ESRRG: variants seen among roughly 807,000 people sequenced by gnomAD.
ESRRG encodes the protein estrogen related receptor gamma.
Under a neutral mutation model 44.0 loss-of-function variants are expected in ESRRG, and 13 were observed. That is an observed-to-expected ratio of 0.30 (90% CI 0.19 to 0.47). The LOEUF is 0.47. Ranked by LOEUF, ESRRG falls within the 20% of genes least tolerant of loss-of-function variation. The pLI is 1.00. For missense variants in ESRRG, 395 were observed against 580.6 expected, an observed-to-expected ratio of 0.68 and a Z score of 3.29; for synonymous variants, 215 against 214.6, an observed-to-expected ratio of 1.00 and a Z score of -0.02.
upstream of ESRRG, chr1:217,090,294 A>C (rs1405682320): frequency 6.6e-6 from 1 of 152,116 alleles, no homozygotes; most frequent in African/African-American, 2.4e-5. Context: ...GGGCAAAATA[A>C]ATTTGAAAAA....
At chr1:216,979,770 A>C (rs2150374467) in intron 1 of ESRRG, among the ~76,000 whole-genome samples, 1 of 152,282 alleles carries the variant, frequency 6.6e-6, no homozygotes, top group Non-Finnish European at 1.5e-5. Flanking sequence ...CTGGAATGAA[A>C]ATTTAAATTA....
At chr1:216,580,220 T>C (rs2062492381) in intron 3 of ESRRG, among the ~76,000 whole-genome samples, 1 of 152,214 alleles carries the variant, frequency 6.6e-6, no homozygotes, top group Admixed American at 6.5e-5. Flanking sequence ...TGCACTATGA[T>C]GATTTTTGTT....
chr1:216,558,233 TA>T lies in ESRRG; in HGVS notation c.862+5985del, dbSNP rs150361697. On this transcript the variant is annotated intron_variant, in intron 5 of 6. Coordinates refer to ENST00000408911, the MANE Select transcript of ESRRG (RefSeq NM_001438.4). ...AGAGTCCCTAAGTAATATTTCAGAT[TA>T]TTTTTTTCAAAACTTATTTCTCAAC... Among the ~76,000 whole-genome samples, 41 of 152,294 alleles carry T rather than the reference TA, an allele frequency of 2.7e-4. 1 individual carries two copies. The highest frequency in any genetic ancestry group is 5.7e-4 in the Non-Finnish European group (39 of 68,026).
chr1:217,044,678 C>T (rs1161390999), intron 1 of ESRRG, among the ~76,000 whole-genome samples: 1 of 152,182 alleles, frequency 6.6e-6, no homozygotes, highest in African/African-American at 2.4e-5. Context: ...TTCATATTTT[C>T]TGACTGGCAC....
At chr1:216,935,742 G>A (rs533038312) in intron 2 of ESRRG, among the ~76,000 whole-genome samples, 59 of 151,878 alleles carry the variant, frequency 3.9e-4, no homozygotes, top group Admixed American at 7.2e-4. Flanking sequence ...TCAGCCTCCC[G>A]AGTAGCTGGG....
chr1:216,967,288 G>T (rs1380698808), intron 1 of ESRRG, among the ~76,000 whole-genome samples: 3 of 151,952 alleles, frequency 2.0e-5, no homozygotes, highest in Non-Finnish European at 4.4e-5. Context: ...ACTTCTTGGG[G>T]TTATATAAAG....
chr1:217,125,762 G>A (rs1370902158), intron 1 of ESRRG, among the ~76,000 whole-genome samples: 2 of 152,124 alleles, frequency 1.3e-5, no homozygotes, highest in Admixed American at 1.3e-4. Context: ...TTAAAAATAT[G>A]TTGGTATTTA....
At chr1:217,115,847 T>A (rs867610614) in intron 1 of ESRRG, among the ~76,000 whole-genome samples, 1 of 152,238 alleles carries the variant, frequency 6.6e-6, no homozygotes. Flanking sequence ...CACTAGAACA[T>A]AAGCCACAAG....
chr1:216,732,955 A>G (rs1196299600), intron 2 of ESRRG, among the ~76,000 whole-genome samples: 1 of 151,930 alleles, frequency 6.6e-6, no homozygotes, highest in Non-Finnish European at 1.5e-5. Context: ...CTCTTTCCCA[A>G]GTTTCCCAGC....
chr1:216,642,879 CT>C (rs2066731429), intron 3 of ESRRG, among the ~76,000 whole-genome samples: 3 of 146,572 alleles, frequency 2.0e-5, no homozygotes, highest in Admixed American at 1.4e-4. Flanking sequence ...TAAGTAGGCT[CT>C]TTAACTAAGC....
intron 3 of ESRRG, among the ~76,000 whole-genome samples, chr1:216,647,230 A>G (rs541383763): frequency 1.1e-3 from 175 of 152,290 alleles, no homozygotes; most frequent in Non-Finnish European, 2.0e-3. Context: ...ACCAGATATC[A>G]TATAATAGAT....
chr1:216,746,491 C>T (rs1018929276), intron 2 of ESRRG, among the ~76,000 whole-genome samples: 21 of 152,114 alleles, frequency 1.4e-4, no homozygotes, highest in African/African-American at 4.6e-4. Context: ...ACAGAAGTTA[C>T]CAAAGCTAAC....
chr1:216,519,444 C>A (rs2075558673), intron 5 of ESRRG, 23 bp from the exon 6 acceptor site: 1 of 1,585,724 alleles, frequency 6.3e-7, no homozygotes, highest in South Asian at 1.2e-5. Context: ...ATGGGCAGAT[C>A]AAGTTACTTT....
chr1:216,770,117 G>C (rs1175335438), intron 2 of ESRRG, among the ~76,000 whole-genome samples: 2 of 151,620 alleles, frequency 1.3e-5, no homozygotes, highest in Non-Finnish European at 2.9e-5. Flanking sequence ...GAAGGAAGGA[G>C]AAGAAATGAG....
intron 1 of ESRRG, among the ~76,000 whole-genome samples, chr1:216,945,281 C>T (rs1560210810): frequency 6.6e-6 from 1 of 152,018 alleles, no homozygotes; most frequent in Non-Finnish European, 1.5e-5. Flanking sequence ...GGCATTTGCT[C>T]AATCAGTACC....
At chr1:217,136,198 C>T (rs1252320825) in intron 1 of ESRRG, among the ~76,000 whole-genome samples, 1 of 152,224 alleles carries the variant, frequency 6.6e-6, no homozygotes, top group African/African-American at 2.4e-5. Context: ...GGAGGGCGAT[C>T]CGGAGCCGGG....
At chr1:217,074,048 C>CT (rs1181569293) in intron 1 of ESRRG, among the ~76,000 whole-genome samples, 4,118 of 134,310 alleles carry the variant, frequency 0.031, 73 homozygotes, top group African/African-American at 0.054. Context: ...ATTATGAATG[C>CT]TTTTTTTTTT....
intron 1 of ESRRG, among the ~76,000 whole-genome samples, chr1:216,947,309 T>A (rs1441975642): frequency 6.6e-6 from 1 of 152,200 alleles, no homozygotes; most frequent in Non-Finnish European, 1.5e-5. Flanking sequence ...TGACTCACTG[T>A]GCCCTTGGTG....
At chr1:216,612,785 T>C (rs958743599) in intron 3 of ESRRG, among the ~76,000 whole-genome samples, 1 of 152,228 alleles carries the variant, frequency 6.6e-6, no homozygotes, top group African/African-American at 2.4e-5. Flanking sequence ...CCTGTGAGCC[T>C]GCAGCAGCGC....
Sources: allele counts gnomAD v4.1 joint callset (sites outside exome capture counted in the v4.1 genomes callset), GRCh38; gene constraint gnomAD v4.1.1; transcripts MANE v1.5; gene names NCBI Gene and HGNC (gene_info 2026-07-23, HGNC 2026-07-21).